Variants in ZFHX3 observed in about 807,000 individuals in gnomAD.
ZFHX3 encodes zinc finger homeobox 3.
A neutral mutation model predicts 279.1 loss-of-function variants in ZFHX3; 42 were observed. That is an observed-to-expected ratio of 0.15 (90% confidence interval 0.12 to 0.19). The LOEUF (loss-of-function observed/expected upper bound fraction) is 0.19, where lower values mean the gene tolerates loss of function less well. Among genes scored for constraint, ZFHX3 ranks in the 10% least tolerant of loss-of-function variants. The pLI is 1.00. For synonymous variants in ZFHX3, 2,293 were observed against 1,957.8 expected (o/e 1.17, Z -4.52); for missense variants, 4,981 against 4,754.0 (o/e 1.05, Z -1.40).
At chr16:73,141,296 C>T (rs1966847253) in intron 6 of ZFHX3, among the ~76,000 whole-genome samples, 1 of 152,142 alleles carries the variant, frequency 6.6e-6, no homozygotes, top group Non-Finnish European at 1.5e-5. Flanking sequence ...TAAAAAAGCT[C>T]ACACGCTTTC....
chr16:73,828,233 CT>C lies in ZFHX3; in HGVS notation c.-1608+63417del, dbSNP rs1357795287. Among the ~76,000 whole-genome samples the C allele has an allele frequency of 1.9e-3, 80 of 41,940 alleles. 1 individual carries two copies. The highest frequency in any genetic ancestry group is 7.9e-3 in the African/African-American group (72 of 9,166). The allele number at this position is 41,940 out of a possible 152,430, so 27.5% of individuals were successfully genotyped here. On this transcript the variant is annotated intron_variant, in intron 1 of 17. Transcript: ENST00000641206. ...CAGAGACTAGGATTGCAACCCCTGC[CT>C]TTTTTTGTTTTCCATTTGCTTGGTA...
At chr16:73,260,680 GTTTTTTTTTTTTTTTT>G (rs370384540) in intron 4 of ZFHX3, among the ~76,000 whole-genome samples, 2,116 of 88,436 alleles carry the variant, frequency 0.024, 73 homozygotes, top group African/African-American at 0.085. Context: ...CACCTATCTG[GTTTTTTTTTTTTTTTT>G]TTTTTTTTTT....
In ZFHX3 at chr16:72,788,717, T is replaced by C; in HGVS notation, c.9559A>G (p.Thr3187Ala). 1 of 1,609,530 alleles carries C rather than the reference T, an allele frequency of 6.2e-7. No individual in the cohort carries two copies. The highest frequency in any genetic ancestry group is 1.1e-5 in the South Asian group (1 of 90,400). Residue 3187 changes from threonine (T) to alanine (A), a missense_variant, in exon 10 of 10, where the codon ACG becomes GCG. Transcript: ENST00000268489. ...SLSSPTPAQA[T>A]MAMGPQQPPQ... The stretch of plus-strand genomic sequence containing the variant: ...GGTTGCTGAGGGCCCATCGCCATCG[T>C]GGCTTGTGCTGGGGTTGGGGAGCTC...
At chr16:73,653,390 T>A (rs1166745497) in intron 2 of ZFHX3, among the ~76,000 whole-genome samples, 1 of 152,172 alleles carries the variant, frequency 6.6e-6, no homozygotes, top group African/African-American at 2.4e-5. Context: ...ACAGAGCATT[T>A]TCTCTGATCA....
chr16:73,602,803 C>T (rs12600080), intron 2 of ZFHX3, among the ~76,000 whole-genome samples: 83,022 of 150,536 alleles, frequency 0.55, 25,900 homozygotes, highest in East Asian at 0.79. Context: ...AAAAATTAGC[C>T]GGTCGTGGTA....
intron 1 of ZFHX3, among the ~76,000 whole-genome samples, chr16:72,990,067 T>C (rs1205847874): frequency 8.6e-5 from 13 of 151,950 alleles, no homozygotes; most frequent in East Asian, 7.7e-4. Context: ...TGGGTTTTTT[T>C]CCCCCCACCG....
chr16:73,774,804 A>G (rs1333840130), intron 1 of ZFHX3, among the ~76,000 whole-genome samples: 2 of 152,212 alleles, frequency 1.3e-5, no homozygotes, highest in Non-Finnish European at 2.9e-5. Flanking sequence ...GTGAGCATGT[A>G]AATGAATGCA....
In ZFHX3 at chr16:72,800,051, A is replaced by G. The variant is rs773946897; in HGVS notation, c.3943T>C (p.Leu1315=). Residue 1315 remains leucine (L), a synonymous_variant, in exon 8 of 10, where the codon TTG becomes CTG. Coordinates refer to ENST00000268489, the MANE Select transcript of ZFHX3 (RefSeq NM_006885.4). ...AVPDRDGNSN[L]EEAGKQPETS... ...CCAGGCTGCTTTCCTGCCTCTTCCA[A>G]ATTGGAATTCCCATCTCGATCTGGA... The G allele has an allele frequency of 2.5e-6, 4 of 1,614,060 alleles. No homozygotes were observed. Among genetic ancestry groups the G allele is most frequent in the Non-Finnish European group, 3.4e-6 (4 of 1,180,032 alleles).
At chr16:73,783,924 C>G (rs980215303) in intron 1 of ZFHX3, among the ~76,000 whole-genome samples, 2 of 152,090 alleles carry the variant, frequency 1.3e-5, no homozygotes, top group Admixed American at 1.3e-4. Context: ...AGCATCCATA[C>G]CAGGTTGATG....
intron 7 of ZFHX3, among the ~76,000 whole-genome samples, chr16:73,120,251 AT>A (rs551227363): frequency 3.3e-5 from 5 of 151,490 alleles, no homozygotes; most frequent in Admixed American, 2.6e-4. Flanking sequence ...ATTCCATACT[AT>A]TTTTGTTGTT....
intron 3 of ZFHX3, among the ~76,000 whole-genome samples, chr16:73,386,002 G>A (rs1255241867): frequency 2.6e-5 from 4 of 152,058 alleles, no homozygotes; most frequent in East Asian, 1.9e-4. Context: ...GGGGTGGGGG[G>A]TTACAAAATG....
At chr16:73,288,195 G>A (rs1294829755) in intron 4 of ZFHX3, among the ~76,000 whole-genome samples, 1 of 151,880 alleles carries the variant, frequency 6.6e-6, no homozygotes, top group East Asian at 1.9e-4. Context: ...GGGAGAGAAG[G>A]GGGACTTTGG....
At chr16:72,942,395 C>T (rs759553686) in intron 3 of ZFHX3, among the ~76,000 whole-genome samples, 15 of 152,288 alleles carry the variant, frequency 9.8e-5, no homozygotes, top group Middle Eastern at 6.8e-3. Flanking sequence ...AAGAATTCCA[C>T]GGTGTGACTT....
chr16:73,497,379 C>T (rs1453815345), intron 2 of ZFHX3, among the ~76,000 whole-genome samples: 2 of 152,202 alleles, frequency 1.3e-5, no homozygotes, highest in Non-Finnish European at 1.5e-5. Flanking sequence ...TCATGAAATA[C>T]TACTTGAGGT....
intron 2 of ZFHX3, chr16:73,543,918 GAGAGAGGC>G (rs2020065066): frequency 6.6e-6 from 1 of 151,010 alleles, no homozygotes. Flanking sequence ...GAGACAGAGG[GAGAGAGGC>G]AGAGGGAGAA....
chr16:73,835,712 C>T (rs1961128459), intron 1 of ZFHX3, among the ~76,000 whole-genome samples: 1 of 151,998 alleles, frequency 6.6e-6, no homozygotes, highest in African/African-American at 2.4e-5. Flanking sequence ...CTCAGGAGAT[C>T]CACCTGCCTC....
chr16:73,440,514 G>A (rs990097839), intron 3 of ZFHX3, among the ~76,000 whole-genome samples: 10 of 152,178 alleles, frequency 6.6e-5, no homozygotes, highest in African/African-American at 2.4e-4. Flanking sequence ...AAAGTCTCCA[G>A]AAGCTCCGAC....
At chr16:73,845,420 C>G (rs1961424017) in intron 1 of ZFHX3, among the ~76,000 whole-genome samples, 1 of 152,028 alleles carries the variant, frequency 6.6e-6, no homozygotes, top group African/African-American at 2.4e-5. Flanking sequence ...GAGACCAGCC[C>G]CGTGCACTTA....
chr16:72,975,616 ACTTAC>A (rs954815218), intron 1 of ZFHX3, among the ~76,000 whole-genome samples: 1 of 152,194 alleles, frequency 6.6e-6, no homozygotes, highest in African/African-American at 2.4e-5. Context: ...ATTGAGACAT[ACTTAC>A]CACTGGCCAC....
Sources: allele counts gnomAD v4.1 joint callset (sites outside exome capture counted in the v4.1 genomes callset), GRCh38; gene constraint gnomAD v4.1.1; transcripts MANE v1.5; gene names NCBI Gene and HGNC (gene_info 2026-07-23, HGNC 2026-07-21).